Variants in ALMS1 observed in about 807,000 individuals in gnomAD.
ALMS1 encodes ALMS1 centrosome and basal body associated protein, also known as centrosome-associated protein ALMS1.
A neutral mutation model predicts 352.2 loss-of-function variants in ALMS1; 271 were observed. The observed-to-expected ratio is 0.77, with a 90% confidence interval of 0.70 to 0.85. The LOEUF is 0.85. Among genes scored for constraint, ALMS1 ranks in the 40% least tolerant of loss-of-function variants. The pLI, the probability that ALMS1 is intolerant of heterozygous loss-of-function variation, is 0.00. For synonymous variants in ALMS1, 1,865 were observed against 1,761.2 expected, an observed-to-expected ratio of 1.06 and a Z score of -1.48; for missense variants, 5,445 against 4,870.7, an observed-to-expected ratio of 1.12 and a Z score of -3.51.
intron 2 of ALMS1, among the ~76,000 whole-genome samples, chr2:73,413,895 A>C (rs185629966): frequency 6.6e-6 from 1 of 152,132 alleles, no homozygotes; most frequent in African/African-American, 2.4e-5. Context: ...ATTGATTTAC[A>C]TATGTATCCT....
At chr2:73,395,507 C>T (rs553581772) in intron 1 of ALMS1, among the ~76,000 whole-genome samples, 2 of 152,176 alleles carry the variant, frequency 1.3e-5, no homozygotes, top group Non-Finnish European at 2.9e-5. Context: ...TTCAGAATTG[C>T]ACTTTTTTTC....
rs557931373 is a variant in ALMS1 at position 73,409,172 on chromosome 2, G to C, written c.450+425G>C. On this transcript the variant is annotated intron_variant, in intron 2 of 22. Coordinates refer to ENST00000613296, the MANE Select transcript of ALMS1 (RefSeq NM_001378454.1). ...ATTACAGGAGTGAGCCACCACTCTT[G>C]GCCAAATATTCTATTTTTCTAATAG... 6.2e-4 allele frequency among the ~76,000 whole-genome samples: 95 copies of C among 152,108 alleles called. 1 individual carries two copies. Among genetic ancestry groups the C allele is most frequent in the Non-Finnish European group, 1.2e-3 (83 of 67,984 alleles).
At chr2:73,412,902 C>T (rs1383635414) in intron 2 of ALMS1, among the ~76,000 whole-genome samples, 3 of 152,062 alleles carry the variant, frequency 2.0e-5, no homozygotes, top group Non-Finnish European at 4.4e-5. Flanking sequence ...TCCAAAGTGG[C>T]TGTACCATTT....
At chr2:73,575,058 C>T (rs1246313250) in intron 16 of ALMS1, among the ~76,000 whole-genome samples, 3 of 152,156 alleles carry the variant, frequency 2.0e-5, no homozygotes, top group South Asian at 2.1e-4. Flanking sequence ...CTCTTAGACA[C>T]AGTGTTTTGA....
chr2:73,607,365 A>G (rs915990737), intron 21 of ALMS1, among the ~76,000 whole-genome samples: 4 of 152,180 alleles, frequency 2.6e-5, no homozygotes, highest in African/African-American at 9.7e-5. Context: ...ATTTACAATG[A>G]GAGTGCATTT....
chr2:73,454,082 T>A lies in ALMS1; in HGVS notation c.7540+15T>A. On this transcript the variant is annotated intron_variant, in intron 8 of 22. Transcript: ENST00000613296. Reference sequence around the variant, plus strand: ...ACGAGCACATGGTAAGAAGAAAGTTTCAGGCTTATAAACGTTATAGTTTAA... The same window carrying A: ...ACGAGCACATGGTAAGAAGAAAGTTACAGGCTTATAAACGTTATAGTTTAA... The A allele has an allele frequency of 6.3e-7, 1 of 1,598,106 alleles. No individual in the cohort carries two copies. The highest frequency in any genetic ancestry group is 1.3e-5 in the African/African-American group (1 of 74,184).
chr2:73,603,227 C>G lies in ALMS1; in HGVS notation c.12299-14C>G. ...AGTCACTGTCCACTGAAAACCCTTT[C>G]TTCTCTTGCCTAGTCTTCCTGGCTA... On this transcript the variant is annotated splice_polypyrimidine_tract_variant and intron_variant, in intron 20 of 22. Transcript: ENST00000613296. 1 of 1,613,952 alleles carries G rather than the reference C, an allele frequency of 6.2e-7. No homozygotes were observed. The highest frequency in any genetic ancestry group is 8.5e-7 in the Non-Finnish European group (1 of 1,179,864).
intron 10 of ALMS1, among the ~76,000 whole-genome samples, chr2:73,498,777 C>T (rs949298388): frequency 2.0e-5 from 3 of 152,124 alleles, no homozygotes; most frequent in Admixed American, 6.5e-5. Context: ...AATAGTACTC[C>T]ACTGTGTATA....
rs376989302 is a variant in ALMS1 at position 73,419,273 on chromosome 2, C to G, written c.601C>G (p.Gln201Glu). ...GGGCATATTGACGCAATCAGAAAAT[C>G]AAGTAAAGGAACCCAACAGAGATCT... ...EEGILTQSEN[Q>E]VKEPNRDLFC... The change falls in exon 3 of 23, where the codon CAA becomes GAA. Residue 201 changes from glutamine (Q) to glutamate (E), a missense_variant. Coordinates refer to ENST00000613296, the MANE Select transcript of ALMS1 (RefSeq NM_001378454.1). The G allele has an allele frequency of 1.5e-4, 235 of 1,614,022 alleles. 1 individual carries two copies. The Admixed American group carries it at 1.8e-3, about 12-fold the overall frequency.
intron 16 of ALMS1, among the ~76,000 whole-genome samples, chr2:73,585,940 AT>A (rs1262133287): frequency 6.6e-6 from 1 of 151,570 alleles, no homozygotes; most frequent in African/African-American, 2.4e-5. Context: ...TGTATTTTGT[AT>A]TTTAGTAGTG....
At chr2:73,549,389 C>A (rs1057289901) in intron 12 of ALMS1, among the ~76,000 whole-genome samples, 3 of 152,040 alleles carry the variant, frequency 2.0e-5, no homozygotes, top group African/African-American at 7.2e-5. Context: ...GTTGAAAAAT[C>A]TTCCGTTATG....
chr2:73,536,591 A>C (rs1360784966), intron 12 of ALMS1, among the ~76,000 whole-genome samples: 5 of 152,278 alleles, frequency 3.3e-5, no homozygotes, highest in African/African-American at 1.2e-4. Flanking sequence ...AAATTGTTCT[A>C]ATTCCTAGCC....
At chr2:73,509,648 CCCTTTATGGGTAACCTGA>C (rs1420405172) in intron 10 of ALMS1, among the ~76,000 whole-genome samples, 3 of 152,178 alleles carry the variant, frequency 2.0e-5, no homozygotes, top group African/African-American at 7.2e-5. Flanking sequence ...TGATGGGCTT[CCCTTTATGGGTAACCTGA>C]CCTTTGTCTC....
chr2:73,559,093 C>A lies in ALMS1; in HGVS notation c.10335C>A (p.Pro3445=). 4 of 1,613,796 alleles carry A rather than the reference C, an allele frequency of 2.5e-6. No homozygotes were observed. Among genetic ancestry groups the A allele is most frequent in the Non-Finnish European group, 3.4e-6 (4 of 1,179,916 alleles). The change falls in exon 15 of 23, where the codon CCC becomes CCA. Residue 3445 remains proline, a synonymous_variant. Transcript: ENST00000613296. ...KEEIHRKKTV[P]EEAWPNNKES... ...AGATCCATAGGAAGAAGACAGTTCC[C>A]GAGGAAGCCTGGCCAAACAATAAAG...
intron 9 of ALMS1, among the ~76,000 whole-genome samples, chr2:73,480,410 A>G (rs1268448580): frequency 2.6e-5 from 4 of 152,188 alleles, no homozygotes; most frequent in African/African-American, 7.2e-5. Flanking sequence ...TGAACTCATC[A>G]TTTTTTATGG....
chr2:73,474,317 T>TA (rs1379679492), intron 9 of ALMS1, among the ~76,000 whole-genome samples: 1 of 151,910 alleles, frequency 6.6e-6, no homozygotes, highest in Non-Finnish European at 1.5e-5. Flanking sequence ...CACATGGTAA[T>TA]ACGTTTCTTT....
intron 1 of ALMS1, among the ~76,000 whole-genome samples, chr2:73,389,282 GTTAT>G (rs559645184): frequency 1.9e-3 from 290 of 152,096 alleles, no homozygotes; most frequent in Non-Finnish European, 3.2e-3. Context: ...TTTTAGTGGG[GTTAT>G]TTGTTTTTTC....
chr2:73,491,624 C>A, intron 10 of ALMS1, 126 bp downstream of exon 10: 1 of 998,092 alleles, frequency 1.0e-6, no homozygotes, highest in Non-Finnish European at 1.5e-6. Flanking sequence ...TTGTGTCTGG[C>A]TAATTACTAG....
chr2:73,509,830 C>G (rs6546842), intron 10 of ALMS1, among the ~76,000 whole-genome samples: 19,741 of 152,206 alleles, frequency 0.13, 1,371 homozygotes, highest in East Asian at 0.22. Flanking sequence ...GGGAAGTTCT[C>G]CTGGATAATA....
Sources: allele counts gnomAD v4.1 joint callset (sites outside exome capture counted in the v4.1 genomes callset), GRCh38; gene constraint gnomAD v4.1.1; transcripts MANE v1.5; gene names NCBI Gene and HGNC (gene_info 2026-07-23, HGNC 2026-07-21).